FAM107B: variants seen among roughly 807,000 people sequenced by gnomAD.
The protein encoded by FAM107B is family with sequence similarity 107 member B, also known as protein FAM107B.
A neutral mutation model predicts 31.5 loss-of-function variants in FAM107B; 21 were observed. That is an observed-to-expected ratio of 0.67 (90% confidence interval 0.47 to 0.96). The LOEUF (loss-of-function observed/expected upper bound fraction) is 0.96, where lower values mean the gene tolerates loss of function less well. Ranked by LOEUF, FAM107B falls within the 40% of genes least tolerant of loss-of-function variation. The pLI, the probability that FAM107B is intolerant of heterozygous loss-of-function variation, is 0.00. For missense variants in FAM107B, 452 were observed against 377.1 expected (o/e 1.20, Z -1.64); for synonymous variants, 157 against 141.5 (o/e 1.11, Z -0.78).
intron 1 of FAM107B, among the ~76,000 whole-genome samples, chr10:14,694,674 G>A (rs540773706): frequency 4.3e-4 from 66 of 152,262 alleles, no homozygotes; most frequent in Admixed American, 3.6e-3. Context: ...GCGGGACACC[G>A]TGTTTTGAAT....
chr10:14,677,925 G>A (rs367826771), intron 1 of FAM107B, among the ~76,000 whole-genome samples: 1 of 152,212 alleles, frequency 6.6e-6, no homozygotes, highest in African/African-American at 2.4e-5. Context: ...CTAATGATGG[G>A]CGGGTGTTGT....
chr10:14,765,720 T>C (rs1206075503), intron 1 of FAM107B, among the ~76,000 whole-genome samples: 4 of 152,248 alleles, frequency 2.6e-5, no homozygotes, highest in Non-Finnish European at 2.9e-5. Context: ...AAAATGTTGA[T>C]GTCAAACAAT....
intron 2 of FAM107B, among the ~76,000 whole-genome samples, chr10:14,609,555 T>C (rs1028202782): frequency 6.6e-6 from 1 of 152,174 alleles, no homozygotes; most frequent in African/African-American, 2.4e-5. Context: ...CAAATCCTTC[T>C]ATGCTTCCAA....
intron 1 of FAM107B, among the ~76,000 whole-genome samples, chr10:14,736,645 G>T (rs889302901): frequency 6.6e-6 from 1 of 152,142 alleles, no homozygotes; most frequent in African/African-American, 2.4e-5. Flanking sequence ...CAAGATCCAT[G>T]AAAAACCTTC....
chr10:14,669,376 A>AAG (rs1313795070), intron 1 of FAM107B, among the ~76,000 whole-genome samples: 1 of 151,540 alleles, frequency 6.6e-6, no homozygotes, highest in Non-Finnish European at 1.5e-5. Context: ...TCAAAAAAAA[A>AAG]AAAAAAAAGG....
In FAM107B at chr10:14,520,544, C is replaced by A. The variant is rs1317743843; in HGVS notation, c.*646G>T. ...TAGCCTGCTATTATTACACAGAGAA[C>A]CAAAAGGAATGAAAATAAAATCAAG... On this transcript the variant is annotated 3_prime_UTR_variant, in exon 5 of 5. Coordinates refer to ENST00000181796, the MANE Select transcript of FAM107B (RefSeq NM_031453.4). 1 of 152,172 alleles carries A rather than the reference C, an allele frequency of 6.6e-6. No individual in the cohort carries two copies. The highest frequency in any genetic ancestry group is 1.9e-4 in the East Asian group (1 of 5,202). The allele number at this position is 152,172 out of a possible 1,614,324, so 9.4% of individuals were successfully genotyped here.
At chr10:14,742,471 T>G (rs1832636731) in intron 1 of FAM107B, among the ~76,000 whole-genome samples, 1 of 152,200 alleles carries the variant, frequency 6.6e-6, no homozygotes, top group Non-Finnish European at 1.5e-5. Context: ...TTAATGCTGC[T>G]TGCAGTGGGC....
chr10:14,759,337 C>G (rs1832996325), intron 1 of FAM107B, among the ~76,000 whole-genome samples: 1 of 152,074 alleles, frequency 6.6e-6, no homozygotes, highest in African/African-American at 2.4e-5. Context: ...GTTCTTTAAG[C>G]ATTTTCATTT....
intron 1 of FAM107B, among the ~76,000 whole-genome samples, chr10:14,746,776 G>T (rs1344787480): frequency 2.0e-5 from 3 of 152,058 alleles, no homozygotes; most frequent in Non-Finnish European, 4.4e-5. Context: ...TGTGTCTTAG[G>T]GTTGATCTTC....
At chr10:14,610,394 A>G (rs1478769523) in intron 2 of FAM107B, among the ~76,000 whole-genome samples, 1 of 152,226 alleles carries the variant, frequency 6.6e-6, no homozygotes, top group Non-Finnish European at 1.5e-5. Context: ...TTTAAATAGC[A>G]TAATCATGTA....
intron 2 of FAM107B, among the ~76,000 whole-genome samples, chr10:14,657,802 A>G (rs1347296830): frequency 6.7e-6 from 1 of 149,224 alleles, no homozygotes; most frequent in African/African-American, 2.5e-5. Flanking sequence ...GCATGTTGCC[A>G]CCTTCACTTT....
chr10:14,532,397 G>T (rs1236091877), intron 2 of FAM107B, among the ~76,000 whole-genome samples: 1 of 152,154 alleles, frequency 6.6e-6, no homozygotes, highest in African/African-American at 2.4e-5. Context: ...CAAAGGCTAA[G>T]TCAACTGAAA....
At chr10:14,595,525 G>A (rs773069823) in intron 2 of FAM107B, among the ~76,000 whole-genome samples, 9 of 143,884 alleles carry the variant, frequency 6.3e-5, no homozygotes, top group Non-Finnish European at 1.2e-4. Context: ...TCCTGAGTTC[G>A]AGCGATTCTC....
At chr10:14,601,356 G>A (rs1025328400) in intron 2 of FAM107B, among the ~76,000 whole-genome samples, 3 of 152,140 alleles carry the variant, frequency 2.0e-5, no homozygotes, top group South Asian at 2.1e-4. Flanking sequence ...AAGTACTTAG[G>A]GTGAGGGAAA....
intron 2 of FAM107B, among the ~76,000 whole-genome samples, chr10:14,649,389 T>C (rs1853843544): frequency 3.3e-5 from 5 of 152,258 alleles, no homozygotes. Context: ...GTCTTTTTTC[T>C]GATCTAGGAG....
chr10:14,618,815 C>T (rs372679996), intron 2 of FAM107B, among the ~76,000 whole-genome samples: 11 of 151,640 alleles, frequency 7.3e-5, no homozygotes, highest in Middle Eastern at 3.4e-3. Flanking sequence ...CCAGCCTGGG[C>T]GACAGAGTGA....
At chr10:14,564,506 TAAA>T (rs767006571) in intron 2 of FAM107B, among the ~76,000 whole-genome samples, 1 of 138,314 alleles carries the variant, frequency 7.2e-6, no homozygotes, top group Non-Finnish European at 1.6e-5. Context: ...CTTATTTGTT[TAAA>T]AAAAAAAAAA....
intron 2 of FAM107B, among the ~76,000 whole-genome samples, chr10:14,643,108 G>C (rs1019174663): frequency 7.3e-6 from 1 of 137,682 alleles, no homozygotes; most frequent in Non-Finnish European, 1.6e-5. Flanking sequence ...GAGATAGGTA[G>C]GTAGGTAGGT....
intron 3 of FAM107B, among the ~76,000 whole-genome samples, chr10:14,527,272 C>G (rs1300295013): frequency 6.6e-6 from 1 of 151,854 alleles, no homozygotes; most frequent in African/African-American, 2.4e-5. Context: ...AGGTTTTAAC[C>G]GTCAGACCTA....
Sources: allele counts gnomAD v4.1 joint callset (sites outside exome capture counted in the v4.1 genomes callset), GRCh38; gene constraint gnomAD v4.1.1; transcripts MANE v1.5; gene names NCBI Gene and HGNC (gene_info 2026-07-23, HGNC 2026-07-21).